Variants in CDH18 observed in about 807,000 individuals in gnomAD.
CDH18 encodes the protein cadherin 18.
In CDH18, 31 loss-of-function variants were observed where a neutral mutation model predicts 67.9. That is an observed-to-expected ratio of 0.46 (90% CI 0.34 to 0.62). CDH18 has a LOEUF of 0.62. Ranked by LOEUF, CDH18 falls within the 20% of genes least tolerant of loss-of-function variation. The probability of loss-of-function intolerance (pLI) is 0.01; values close to 1 mark genes in which losing one functional copy is unlikely to be tolerated. For missense variants in CDH18, 890 were observed against 975.5 expected (o/e 0.91, Z 1.17); for synonymous variants, 362 against 347.2 (o/e 1.04, Z -0.48).
intron 1 of CDH18, among the ~76,000 whole-genome samples, chr5:20,330,868 C>T (rs1313649539): frequency 6.6e-6 from 1 of 152,166 alleles, no homozygotes; most frequent in Non-Finnish European, 1.5e-5. Context: ...TGCTATAAAG[C>T]TTTTTAATAA....
chr5:20,054,971 G>A (rs892609609), intron 2 of CDH18, among the ~76,000 whole-genome samples: 2 of 152,138 alleles, frequency 1.3e-5, no homozygotes, highest in African/African-American at 2.4e-5. Context: ...AGGTATAGCA[G>A]TTCTGGCAAT....
intron 2 of CDH18, among the ~76,000 whole-genome samples, chr5:20,173,020 G>T (rs986201688): frequency 3.3e-5 from 5 of 151,094 alleles, no homozygotes; most frequent in African/African-American, 4.9e-5. Context: ...AAGAAAGAAA[G>T]AAATATCCAT....
chr5:20,364,763 A>C (rs942419878), intron 1 of CDH18, among the ~76,000 whole-genome samples: 11 of 152,218 alleles, frequency 7.2e-5, no homozygotes, highest in African/African-American at 2.2e-4. Flanking sequence ...ATGCACATGC[A>C]TAAATAGGAT....
intron 2 of CDH18, among the ~76,000 whole-genome samples, chr5:20,012,565 G>C (rs576877215): frequency 8.2e-4 from 125 of 152,044 alleles, no homozygotes; most frequent in African/African-American, 2.9e-3. Context: ...TAACCAAGGA[G>C]GTGAAAGATC....
intron 5 of CDH18, among the ~76,000 whole-genome samples, chr5:19,646,661 A>G (rs1445593453): frequency 6.6e-6 from 1 of 152,086 alleles, no homozygotes; most frequent in African/African-American, 2.4e-5. Context: ...TTAATAAAAA[A>G]TTAGAAGTAA....
intron 1 of CDH18, among the ~76,000 whole-genome samples, chr5:20,522,983 C>G (rs563863626): frequency 6.6e-6 from 1 of 152,246 alleles, no homozygotes; most frequent in South Asian, 2.1e-4. Context: ...TTTGAAGTAG[C>G]TACTTGCCTT....
chr5:19,923,357 T>C (rs908126840), intron 2 of CDH18, among the ~76,000 whole-genome samples: 6 of 152,308 alleles, frequency 3.9e-5, no homozygotes, highest in African/African-American at 1.2e-4. Context: ...CCCTGTCTGA[T>C]TTCTTGATCC....
In CDH18 at chr5:19,838,782, G is replaced by T. The variant is rs1781949138; in HGVS notation, c.205C>A (p.Pro69Thr). The T allele has an allele frequency of 2.5e-6, 4 of 1,611,694 alleles. No individual in the cohort carries two copies. Among genetic ancestry groups the T allele is most frequent in the Non-Finnish European group, 3.4e-6 (4 of 1,177,908 alleles). Reference protein sequence around the residue: ...QFFVLEEHMGPDPQYVGKLHS... With the variant: ...QFFVLEEHMGTDPQYVGKLHS... ...ACCTTTCCAACATACTGAGGATCTGGTCCCATATGTTCTTCTAAAACAAAG... is the reference window on the plus strand; with the variant it reads ...ACCTTTCCAACATACTGAGGATCTGTTCCCATATGTTCTTCTAAAACAAAG... The change falls in exon 3 of 13, where the codon CCA becomes ACA. Residue 69 changes from proline to threonine, a missense_variant. Coordinates refer to ENST00000382275, the MANE Select transcript of CDH18 (RefSeq NM_004934.5).
At chr5:20,516,538 T>C (rs937652436) in intron 1 of CDH18, among the ~76,000 whole-genome samples, 1 of 151,966 alleles carries the variant, frequency 6.6e-6, no homozygotes, top group South Asian at 2.1e-4. Context: ...TTTATACATA[T>C]AAAATAAGGA....
intron 2 of CDH18, among the ~76,000 whole-genome samples, chr5:20,237,722 A>C (rs1008672213): frequency 6.6e-6 from 1 of 152,136 alleles, no homozygotes; most frequent in Non-Finnish European, 1.5e-5. Flanking sequence ...CGTTTAAGAT[A>C]TCAATTTTTC....
At chr5:20,234,323 C>T (rs564362615) in intron 2 of CDH18, among the ~76,000 whole-genome samples, 1 of 152,298 alleles carries the variant, frequency 6.6e-6, no homozygotes, top group South Asian at 2.1e-4. Flanking sequence ...TCATCATAGT[C>T]TATTCCTAAT....
intron 2 of CDH18, among the ~76,000 whole-genome samples, chr5:19,999,753 G>C (rs763760086): frequency 1.3e-5 from 2 of 152,096 alleles, no homozygotes; most frequent in Non-Finnish European, 2.9e-5. Context: ...AAATTATTGG[G>C]AATTTCAGGA....
rs116239847 is a variant in CDH18 at position 19,540,515 on chromosome 5, C to T, written c.1390+3354G>A. Among the ~76,000 whole-genome samples, 1,451 of 152,242 alleles carry T rather than the reference C, an allele frequency of 9.5e-3. 28 individuals are homozygous for T. The highest frequency in any genetic ancestry group is 0.033 in the African/African-American group (1,368 of 41,532). On this transcript the variant is annotated intron_variant, in intron 9 of 12. Transcript: ENST00000382275. Reference sequence around the variant, plus strand: ...TTCCCTTCTGTACTGCCTTACAGGTCCTCCATGAGGACTCACCCCAGGAGC... The same window carrying T: ...TTCCCTTCTGTACTGCCTTACAGGTTCTCCATGAGGACTCACCCCAGGAGC...
chr5:20,489,902 C>T (rs1424124942), intron 1 of CDH18, among the ~76,000 whole-genome samples: 1 of 151,382 alleles, frequency 6.6e-6, no homozygotes, highest in Admixed American at 6.6e-5. Context: ...TATTCATGTT[C>T]TTATCTAATA....
At chr5:19,909,674 G>A (rs781249713) in intron 2 of CDH18, among the ~76,000 whole-genome samples, 1 of 130,870 alleles carries the variant, frequency 7.6e-6, no homozygotes, top group Non-Finnish European at 1.6e-5. Context: ...AGCCAAAGTT[G>A]CCCAGTAGGT....
At chr5:20,272,665 A>T (rs1745523097) in intron 1 of CDH18, among the ~76,000 whole-genome samples, 1 of 152,064 alleles carries the variant, frequency 6.6e-6, no homozygotes, top group Admixed American at 6.6e-5. Flanking sequence ...TTATATTGAC[A>T]TAACATACTA....
chr5:20,025,330 G>A (rs895200658), intron 2 of CDH18, among the ~76,000 whole-genome samples: 1 of 151,734 alleles, frequency 6.6e-6, no homozygotes, highest in African/African-American at 2.4e-5. Flanking sequence ...CAGATATTTG[G>A]GATATATGGA....
intron 2 of CDH18, among the ~76,000 whole-genome samples, chr5:19,910,846 T>C (rs1248504506): frequency 1.3e-5 from 2 of 151,996 alleles, no homozygotes; most frequent in African/African-American, 4.8e-5. Flanking sequence ...GCATAAATAA[T>C]AATTATTATA....
chr5:19,605,070 C>A (rs1285602902), intron 6 of CDH18, among the ~76,000 whole-genome samples: 5 of 151,812 alleles, frequency 3.3e-5, no homozygotes, highest in South Asian at 4.2e-4. Context: ...CATAAACATA[C>A]CTACCTAAAC....
Sources: allele counts gnomAD v4.1 joint callset (sites outside exome capture counted in the v4.1 genomes callset), GRCh38; gene constraint gnomAD v4.1.1; transcripts MANE v1.5; gene names NCBI Gene and HGNC (gene_info 2026-07-23, HGNC 2026-07-21).